KIF16B: variants seen among roughly 807,000 people sequenced by gnomAD.
KIF16B encodes the protein kinesin-like protein KIF16B.
KIF16B carries 98 observed loss-of-function variants against 156.3 expected under a neutral mutation model. The ratio of observed to expected loss-of-function variants is 0.63; its 90% CI spans 0.53 to 0.74. The LOEUF (loss-of-function observed/expected upper bound fraction) is 0.74, where lower values mean the gene tolerates loss of function less well. Among genes scored for constraint, KIF16B ranks in the 30% least tolerant of loss-of-function variants. The pLI is 0.00. For synonymous variants in KIF16B, 564 were observed against 583.7 expected (o/e 0.97, Z 0.49); for missense variants, 1,421 against 1,606.5 (o/e 0.88, Z 1.97).
intron 15 of KIF16B, among the ~76,000 whole-genome samples, chr20:16,417,394 C>T (rs1230645540): frequency 1.3e-5 from 2 of 152,142 alleles, no homozygotes; most frequent in Admixed American, 6.5e-5. Context: ...ACACGATCTG[C>T]AAAAGCTGAT....
chr20:16,299,772 C>G (rs982422991), intron 25 of KIF16B, among the ~76,000 whole-genome samples: 1 of 152,142 alleles, frequency 6.6e-6, no homozygotes, highest in African/African-American at 2.4e-5. Flanking sequence ...TTCTGTCTGA[C>G]AGAACTAAGG....
chr20:16,549,033 T>A (rs886738187), intron 1 of KIF16B, among the ~76,000 whole-genome samples: 12 of 132,270 alleles, frequency 9.1e-5, no homozygotes, highest in African/African-American at 3.4e-4. Flanking sequence ...TATGTTTTTT[T>A]TTCGTTAGTT....
intron 12 of KIF16B, among the ~76,000 whole-genome samples, chr20:16,447,847 T>C (rs1385542391): frequency 6.6e-6 from 1 of 152,176 alleles, no homozygotes; most frequent in Non-Finnish European, 1.5e-5. Context: ...GGTAGGCACC[T>C]GTTGTCACAG....
At chr20:16,330,810 T>C (rs2063934963) in intron 24 of KIF16B, among the ~76,000 whole-genome samples, 1 of 152,242 alleles carries the variant, frequency 6.6e-6, no homozygotes, top group Non-Finnish European at 1.5e-5. Flanking sequence ...CAGCAGGCTG[T>C]TGGGACTCTA....
At chr20:16,290,607 AC>A (rs1474517997) in intron 25 of KIF16B, among the ~76,000 whole-genome samples, 1 of 152,064 alleles carries the variant, frequency 6.6e-6, no homozygotes, top group Non-Finnish European at 1.5e-5. Flanking sequence ...CTTGGAGATT[AC>A]CCTCCTGCCT....
intron 25 of KIF16B, among the ~76,000 whole-genome samples, chr20:16,278,838 G>C (rs2063102905): frequency 6.6e-6 from 1 of 152,194 alleles, no homozygotes; most frequent in South Asian, 2.1e-4. Context: ...GGTCCCCTCT[G>C]CTGAGCCACA....
intron 16 of KIF16B, among the ~76,000 whole-genome samples, chr20:16,405,836 C>A (rs1406229195): frequency 1.3e-5 from 2 of 152,120 alleles, no homozygotes; most frequent in Non-Finnish European, 2.9e-5. Context: ...GCCACGATGT[C>A]CCTGAACAGA....
chr20:16,335,601 GAA>G (rs1236346164), intron 24 of KIF16B, among the ~76,000 whole-genome samples: 9 of 152,152 alleles, frequency 5.9e-5, no homozygotes, highest in Non-Finnish European at 1.3e-4. Flanking sequence ...TCATAATTGA[GAA>G]GTTATAAATT....
At chr20:16,335,901 C>A in intron 24 of KIF16B, 25 bp downstream of exon 24, 1 of 1,365,082 alleles carries the variant, frequency 7.3e-7, no homozygotes, top group South Asian at 1.2e-5. Flanking sequence ...TGCTCTTAAT[C>A]GGAGATAATA....
chr20:16,303,057 C>A (rs1406535909), intron 25 of KIF16B, among the ~76,000 whole-genome samples: 1 of 152,112 alleles, frequency 6.6e-6, no homozygotes, highest in East Asian at 1.9e-4. Flanking sequence ...CTGTAAGTCA[C>A]TACAACACAG....
At chr20:16,390,423 G>A (rs1268783449) in intron 17 of KIF16B, among the ~76,000 whole-genome samples, 2 of 152,148 alleles carry the variant, frequency 1.3e-5, no homozygotes, top group Non-Finnish European at 2.9e-5. Flanking sequence ...TCAAGCCAGA[G>A]GATCACAGGC....
At chr20:16,569,568 G>C (rs1399041238) in intron 1 of KIF16B, among the ~76,000 whole-genome samples, 2 of 152,164 alleles carry the variant, frequency 1.3e-5, no homozygotes, top group Non-Finnish European at 2.9e-5. Context: ...AAGGCCCCTA[G>C]TTTAGAAACT....
intron 11 of KIF16B, among the ~76,000 whole-genome samples, chr20:16,497,349 A>G (rs2146953714): frequency 6.6e-6 from 1 of 152,376 alleles, no homozygotes; most frequent in Admixed American, 6.5e-5. Context: ...TGACCTGAGC[A>G]GCCTCACTGC....
At chr20:16,300,659 G>T (rs2122593177) in intron 25 of KIF16B, among the ~76,000 whole-genome samples, 1 of 152,202 alleles carries the variant, frequency 6.6e-6, no homozygotes, top group African/African-American at 2.4e-5. Context: ...TTTTGAACAT[G>T]TACCTTTTAA....
intron 23 of KIF16B, among the ~76,000 whole-genome samples, chr20:16,355,107 T>C (rs905560764): frequency 2.0e-5 from 3 of 152,004 alleles, no homozygotes; most frequent in African/African-American, 4.8e-5. Flanking sequence ...AAAGAAGTTA[T>C]TTACATCATT....
chr20:16,316,657 T>G (rs1478525496), intron 24 of KIF16B, among the ~76,000 whole-genome samples: 1 of 152,106 alleles, frequency 6.6e-6, no homozygotes, highest in Admixed American at 6.5e-5. Context: ...ATAATATAGC[T>G]AAACCTCTTA....
Position 16,465,136 on chromosome 20 carries a change from C to A in KIF16B, c.1302+29155G>T, listed in dbSNP as rs182611543. On this transcript the variant is annotated intron_variant, in intron 12 of 25. Coordinates refer to ENST00000354981, the MANE Select transcript of KIF16B (RefSeq NM_024704.5). ...GAGGCCTCAAGTGGATTAATATATA[C>A]CTGAAAAAGCATTTCCAGATCCTAG... is the stretch of plus-strand genomic sequence containing the variant. Among the ~76,000 whole-genome samples, 340 of 152,204 alleles carry A rather than the reference C, an allele frequency of 2.2e-3. 1 individual carries two copies. Among genetic ancestry groups the A allele is most frequent in the Non-Finnish European group, 3.8e-3 (261 of 68,008 alleles).
At chr20:16,320,496 G>C (rs1275985066) in intron 24 of KIF16B, among the ~76,000 whole-genome samples, 1 of 152,128 alleles carries the variant, frequency 6.6e-6, no homozygotes, top group Non-Finnish European at 1.5e-5. Flanking sequence ...CCCAGTAGAA[G>C]GAACAAGTGC....
At chr20:16,297,206 G>A (rs994311358) in intron 25 of KIF16B, among the ~76,000 whole-genome samples, 1 of 152,150 alleles carries the variant, frequency 6.6e-6, no homozygotes, top group African/African-American at 2.4e-5. Flanking sequence ...AAAATCACAT[G>A]ATCACATGAA....
Sources: gnomAD v4.1 joint callset for allele counts (sites outside exome capture counted in the v4.1 genomes callset) on GRCh38, gnomAD v4.1.1 for gene constraint, MANE v1.5 for transcripts, NCBI Gene and HGNC (gene_info 2026-07-23, HGNC 2026-07-21) for gene names.